The following SPOCK1 variants were observed in gnomAD, a reference collection of about 807,000 sequenced individuals.
SPOCK1 encodes the protein SPARC (osteonectin), cwcv and kazal like domains proteoglycan 1.
A neutral mutation model predicts 55.3 loss-of-function variants in SPOCK1; 23 were observed. The observed-to-expected ratio is 0.42, with a 90% CI of 0.30 to 0.59. The LOEUF is 0.59. Among genes scored for constraint, SPOCK1 ranks in the 20% least tolerant of loss-of-function variants. The probability of loss-of-function intolerance (pLI) is 0.22; values close to 1 mark genes in which losing one functional copy is unlikely to be tolerated. For synonymous variants in SPOCK1, 226 were observed against 221.0 expected, an observed-to-expected ratio of 1.02 and a Z score of -0.20; for missense variants, 499 against 552.5, an observed-to-expected ratio of 0.90 and a Z score of 0.97.
At chr5:137,074,838 G>A (rs1714313030) in intron 5 of SPOCK1, among the ~76,000 whole-genome samples, 2 of 152,116 alleles carry the variant, frequency 1.3e-5, no homozygotes, top group South Asian at 4.1e-4. Flanking sequence ...CCGAGTAGCT[G>A]GGACTACAGG....
intron 3 of SPOCK1, among the ~76,000 whole-genome samples, chr5:137,220,159 C>T (rs1279612197): frequency 2.0e-5 from 3 of 152,094 alleles, no homozygotes; most frequent in Admixed American, 6.6e-5. Flanking sequence ...AGATGGGGAG[C>T]ACAGAGACAG....
intron 6 of SPOCK1, among the ~76,000 whole-genome samples, chr5:137,044,657 T>C (rs1403202430): frequency 6.6e-6 from 1 of 152,070 alleles, no homozygotes; most frequent in Non-Finnish European, 1.5e-5. Context: ...TTTTTTATTA[T>C]TATACTTTAA....
At chr5:137,219,947 C>G (rs114286309) in intron 3 of SPOCK1, among the ~76,000 whole-genome samples, 5 of 152,282 alleles carry the variant, frequency 3.3e-5, no homozygotes, top group African/African-American at 1.2e-4. Flanking sequence ...AGAGCCATGG[C>G]CTTCAGGATT....
chr5:137,188,122 T>C (rs1215675212), intron 3 of SPOCK1, among the ~76,000 whole-genome samples: 1 of 152,164 alleles, frequency 6.6e-6, no homozygotes, highest in Non-Finnish European at 1.5e-5. Flanking sequence ...GTCAGGTGAA[T>C]CATGGCAGAA....
chr5:137,431,415 T>C (rs1397158890), intron 2 of SPOCK1, among the ~76,000 whole-genome samples: 1 of 152,204 alleles, frequency 6.6e-6, no homozygotes, highest in Non-Finnish European at 1.5e-5. Context: ...GAAATGAACA[T>C]ACTATAACTG....
intron 6 of SPOCK1, among the ~76,000 whole-genome samples, chr5:137,002,632 G>A (rs1037287666): frequency 4.6e-5 from 7 of 152,290 alleles, no homozygotes; most frequent in African/African-American, 1.7e-4. Flanking sequence ...TTTTACTGAA[G>A]GATTTCATGG....
chr5:137,477,791 C>T (rs1438306954), intron 2 of SPOCK1, among the ~76,000 whole-genome samples: 1 of 152,188 alleles, frequency 6.6e-6, no homozygotes, highest in Non-Finnish European at 1.5e-5. Flanking sequence ...CTAAGGACCA[C>T]TGTAAAAAGC....
rs762593496 is a variant in SPOCK1 at position 137,220,990 on chromosome 5, C to T, written c.232+46020G>A. 1.0e-3 allele frequency among the ~76,000 whole-genome samples: 157 copies of T among 152,324 alleles called. 1 individual carries two copies. The highest frequency in any genetic ancestry group is 2.1e-3 in the Non-Finnish European group (143 of 68,026). On this transcript the variant is annotated intron_variant, in intron 3 of 10. Transcript: ENST00000394945. ...GAATCACTCATTTAACACTCCAGCA[C>T]AGTAAGCCAACAGCCACAGAAACGT...
chr5:137,365,467 T>C (rs1363245416), intron 2 of SPOCK1: 1 of 152,200 alleles, frequency 6.6e-6, no homozygotes, highest in Non-Finnish European at 1.5e-5. Flanking sequence ...GAAGTAAGTT[T>C]CTCTCTTTAA....
chr5:137,063,235 A>G (rs10036354), intron 6 of SPOCK1, among the ~76,000 whole-genome samples: 119,258 of 138,344 alleles, frequency 0.86, 51,951 homozygotes, highest in South Asian at 0.94. Context: ...GCGAGACTCC[A>G]TCTCAAAAAA....
intron 3 of SPOCK1, among the ~76,000 whole-genome samples, chr5:137,222,429 C>T (rs887566573): frequency 2.6e-5 from 4 of 152,184 alleles, no homozygotes; most frequent in Admixed American, 6.5e-5. Context: ...TCTGTGTATA[C>T]ATAGATCATC....
intron 3 of SPOCK1, among the ~76,000 whole-genome samples, chr5:137,170,895 G>A (rs1754742890): frequency 6.6e-6 from 1 of 152,188 alleles, no homozygotes; most frequent in Non-Finnish European, 1.5e-5. Flanking sequence ...AGACTCACCT[G>A]AGTGCACAGA....
At chr5:137,021,602 C>A (rs913986823) in intron 6 of SPOCK1, among the ~76,000 whole-genome samples, 1 of 152,114 alleles carries the variant, frequency 6.6e-6, no homozygotes, top group African/African-American at 2.4e-5. Flanking sequence ...AATATACTAG[C>A]TGTGTTTCAT....
intron 2 of SPOCK1, among the ~76,000 whole-genome samples, chr5:137,314,775 C>T (rs1757847716): frequency 6.6e-6 from 1 of 152,154 alleles, no homozygotes; most frequent in Non-Finnish European, 1.5e-5. Flanking sequence ...TCCATGTTCT[C>T]TTTACTCCTC....
intron 5 of SPOCK1, among the ~76,000 whole-genome samples, chr5:137,089,447 G>A (rs147539723): frequency 0.015 from 2,252 of 152,170 alleles, 22 homozygotes; most frequent in Non-Finnish European, 0.025. Flanking sequence ...TCCCACACCA[G>A]CTACAACATG....
At chr5:137,081,470 A>C (rs1205203533) in intron 5 of SPOCK1, among the ~76,000 whole-genome samples, 1 of 152,144 alleles carries the variant, frequency 6.6e-6, no homozygotes, top group East Asian at 1.9e-4. Flanking sequence ...TTAAGATCTC[A>C]CCTTGGGCTG....
rs554654598 is a variant in SPOCK1 at position 137,419,679 on chromosome 5, T to A, written c.186+78694A>T. Among the ~76,000 whole-genome samples the A allele has an allele frequency of 8.5e-4, 130 of 152,362 alleles. 2 individuals are homozygous for A. The highest frequency in any genetic ancestry group is 3.4e-3 in the Middle Eastern group (1 of 294). On this transcript the variant is annotated intron_variant, in intron 2 of 10. Transcript: ENST00000394945. ...ATCCTGAGACTTTGCTGAAGTTGCC[T>A]ATCAGCTTAAGGAGATTTTGGGCTG...
chr5:137,156,500 A>C (rs943222084), intron 3 of SPOCK1, among the ~76,000 whole-genome samples: 11 of 152,132 alleles, frequency 7.2e-5, no homozygotes, highest in African/African-American at 2.7e-4. Flanking sequence ...TTGACAACCA[A>C]TAATTCATGT....
chr5:137,239,891 T>C (rs1027076061), intron 3 of SPOCK1, among the ~76,000 whole-genome samples: 5 of 152,164 alleles, frequency 3.3e-5, no homozygotes, highest in Non-Finnish European at 5.9e-5. Flanking sequence ...ACAAGTTGAT[T>C]ATATACTTAG....
Sources: allele counts gnomAD v4.1 joint callset (sites outside exome capture counted in the v4.1 genomes callset), GRCh38; gene constraint gnomAD v4.1.1; transcripts MANE v1.5; gene names NCBI Gene and HGNC (gene_info 2026-07-23, HGNC 2026-07-21).